Variants in SPAG16 observed in about 807,000 individuals in gnomAD.
The protein encoded by SPAG16 is sperm-associated antigen 16 protein.
A neutral mutation model predicts 80.4 loss-of-function variants in SPAG16; 86 were observed. That is an observed-to-expected ratio of 1.07 (90% CI 0.90 to 1.28). The LOEUF (loss-of-function observed/expected upper bound fraction) is 1.28, where lower values mean the gene tolerates loss of function less well. SPAG16 is among the 50% of genes most tolerant of loss of function. The pLI is 0.00. For synonymous variants in SPAG16, 294 were observed against 265.9 expected (o/e 1.11, Z -1.03); for missense variants, 870 against 765.3 (o/e 1.14, Z -1.61).
chr2:213,920,087 A>G (rs549944080), intron 11 of SPAG16, among the ~76,000 whole-genome samples: 2 of 152,234 alleles, frequency 1.3e-5, no homozygotes, highest in East Asian at 3.9e-4. Context: ...TATTTTGTCT[A>G]AAATTAGGAT....
intron 15 of SPAG16, among the ~76,000 whole-genome samples, chr2:214,300,439 A>G (rs1012334806): frequency 2.0e-5 from 3 of 152,128 alleles, no homozygotes; most frequent in African/African-American, 7.2e-5. Context: ...GAGTGCTAGA[A>G]GTTTTTTATG....
chr2:214,263,012 A>G (rs1442177076), intron 15 of SPAG16, among the ~76,000 whole-genome samples: 1 of 152,160 alleles, frequency 6.6e-6, no homozygotes, highest in Non-Finnish European at 1.5e-5. Flanking sequence ...TGCATGGATT[A>G]TAAAATGTAA....
chr2:213,845,072 A>G (rs2125766770), intron 10 of SPAG16, among the ~76,000 whole-genome samples: 1 of 152,270 alleles, frequency 6.6e-6, no homozygotes, highest in South Asian at 2.1e-4. Flanking sequence ...CTGTGATTCT[A>G]AATGCTGTCA....
chr2:213,336,784 A>G (rs1255208546), intron 5 of SPAG16, among the ~76,000 whole-genome samples: 1 of 152,186 alleles, frequency 6.6e-6, no homozygotes, highest in East Asian at 1.9e-4. Context: ...ATCATGGATC[A>G]GTGGTCTTTG....
intron 12 of SPAG16, among the ~76,000 whole-genome samples, chr2:213,949,179 T>TTTTTTTTTTTTTTTTTGTTTGTTTTG (rs1553677674): frequency 2.8e-5 from 1 of 36,244 alleles, no homozygotes; most frequent in Non-Finnish European, 5.5e-5. Context: ...GTTTTTTTTT[T>TTTTTTTTTTTTTTTTTGTTTGTTTTG]TTTTTTTTTT....
intron 12 of SPAG16, among the ~76,000 whole-genome samples, chr2:213,983,580 A>G (rs528026614): frequency 4.1e-4 from 63 of 152,178 alleles, no homozygotes; most frequent in African/African-American, 1.5e-3. Flanking sequence ...AAGGCCTACA[A>G]TGTTCCATGA....
rs1051611558 is a variant in SPAG16, at chr2:213,832,955, T to G, written c.1071-29530T>G. The stretch of plus-strand genomic sequence containing the variant: ...TACACTATCTCTACACTATCTACAA[T>G]GCAAATTTTAATTCTGCTATGAAAT... On this transcript the variant is annotated intron_variant, in intron 10 of 15. Coordinates refer to ENST00000331683, the MANE Select transcript of SPAG16 (RefSeq NM_024532.5). 2.6e-5 allele frequency among the ~76,000 whole-genome samples: 4 copies of G among 152,234 alleles called. No homozygotes were observed. In the South Asian group the frequency reaches 8.3e-4, roughly 32 times the overall value.
chr2:213,686,674 C>CTTTTTTTTTTTTTTTTTTTTTTTTT (rs748200040), intron 10 of SPAG16, among the ~76,000 whole-genome samples: 1 of 86,104 alleles, frequency 1.2e-5, no homozygotes, highest in Non-Finnish European at 2.4e-5. Context: ...ATTAATCCAC[C>CTTTTTTTTTTTTTTTTTTTTTTTTT]TTTTTTTTTT....
chr2:214,184,521 A>G (rs2057408871), intron 15 of SPAG16, among the ~76,000 whole-genome samples: 1 of 152,100 alleles, frequency 6.6e-6, no homozygotes, highest in African/African-American at 2.4e-5. Context: ...TCACCCCACA[A>G]CATTCTCAGG....
intron 15 of SPAG16, among the ~76,000 whole-genome samples, chr2:214,258,311 C>T (rs1208924822): frequency 6.6e-6 from 1 of 151,900 alleles, no homozygotes. Flanking sequence ...AGCTTAGCTC[C>T]CATTTATAGG....
intron 15 of SPAG16, among the ~76,000 whole-genome samples, chr2:214,369,511 G>T (rs1478143869): frequency 6.6e-6 from 1 of 152,024 alleles, no homozygotes; most frequent in African/African-American, 2.4e-5. Flanking sequence ...CTTAAAGAGG[G>T]TCTGTAACCT....
In SPAG16 at chr2:214,307,111, G is replaced by A. The variant is rs149223780; in HGVS notation, c.1721-103029G>A. The stretch of plus-strand genomic sequence containing the variant: ...TTCAGTTTCTTCCTGGCTCAGTCTC[G>A]GGAAGAGGTATATGTCCAGGAATTT... On this transcript the variant is annotated intron_variant, in intron 15 of 15. Transcript: ENST00000331683. 1.8e-3 allele frequency among the ~76,000 whole-genome samples: 278 copies of A among 152,104 alleles called. 2 individuals carry two copies. Among genetic ancestry groups the A allele is most frequent in the African/African-American group, 5.9e-3 (246 of 41,500 alleles).
chr2:214,252,175 G>A (rs777470686), intron 15 of SPAG16, among the ~76,000 whole-genome samples: 4 of 152,002 alleles, frequency 2.6e-5, no homozygotes, highest in Non-Finnish European at 5.9e-5. Context: ...TTTCCCAGGG[G>A]CAGTATGGAA....
chr2:214,328,136 G>A (rs926506145), intron 15 of SPAG16, among the ~76,000 whole-genome samples: 65 of 151,502 alleles, frequency 4.3e-4, no homozygotes, highest in African/African-American at 1.6e-3. Flanking sequence ...TGAGTTAATT[G>A]ACAATGTTTA....
chr2:213,844,420 G>A (rs750122445), intron 10 of SPAG16, among the ~76,000 whole-genome samples: 1 of 152,158 alleles, frequency 6.6e-6, no homozygotes, highest in African/African-American at 2.4e-5. Context: ...GCAGACTGAA[G>A]GATGTTAAGC....
chr2:214,177,971 G>GTGTATATATA (rs1397087073), intron 15 of SPAG16, among the ~76,000 whole-genome samples: 8 of 59,348 alleles, frequency 1.3e-4, no homozygotes, highest in East Asian at 7.2e-4. Flanking sequence ...CAAAGTGTAT[G>GTGTATATATA]TATATATATA....
At chr2:213,995,979 G>A (rs538058516) in intron 12 of SPAG16, among the ~76,000 whole-genome samples, 2 of 152,094 alleles carry the variant, frequency 1.3e-5, no homozygotes, top group Non-Finnish European at 2.9e-5. Flanking sequence ...GTCCTTGAAA[G>A]CTTCCCTAAA....
At chr2:213,442,472 AAGG>A (rs2071032401) in intron 9 of SPAG16, among the ~76,000 whole-genome samples, 1 of 152,188 alleles carries the variant, frequency 6.6e-6, no homozygotes, top group African/African-American at 2.4e-5. Flanking sequence ...ACACAGTATG[AAGG>A]AGAACAAAGT....
intron 9 of SPAG16, among the ~76,000 whole-genome samples, chr2:213,414,666 C>T (rs2069155805): frequency 6.6e-6 from 1 of 152,160 alleles, no homozygotes; most frequent in Admixed American, 6.5e-5. Flanking sequence ...ATTCTTGTGA[C>T]ATACTGCTAA....
Sources: gnomAD v4.1 joint callset for allele counts (sites outside exome capture counted in the v4.1 genomes callset) on GRCh38, gnomAD v4.1.1 for gene constraint, MANE v1.5 for transcripts, NCBI Gene and HGNC (gene_info 2026-07-23, HGNC 2026-07-21) for gene names.